Variants in MATN2 observed in about 807,000 individuals in gnomAD.
MATN2 encodes the protein matrilin 2.
In MATN2, 69 loss-of-function variants were observed where a neutral mutation model predicts 103.2. The observed-to-expected ratio is 0.67, with a 90% CI of 0.55 to 0.82. The LOEUF (loss-of-function observed/expected upper bound fraction) is 0.82, where lower values mean the gene tolerates loss of function less well. MATN2 is among the 40% of genes least tolerant of loss of function. The pLI is 0.00. For synonymous variants in MATN2, 429 were observed against 450.2 expected (o/e 0.95, Z 0.60); for missense variants, 1,023 against 1,211.5 (o/e 0.84, Z 2.31).
chr8:97,981,618 A>G (rs1438759691), intron 6 of MATN2, among the ~76,000 whole-genome samples: 1 of 152,218 alleles, frequency 6.6e-6, no homozygotes, highest in Non-Finnish European at 1.5e-5. Context: ...AGTTAGAGGA[A>G]GGAGACCAGT....
chr8:97,904,019 T>C (rs903032492), intron 2 of MATN2, among the ~76,000 whole-genome samples: 1 of 152,236 alleles, frequency 6.6e-6, no homozygotes, highest in African/African-American at 2.4e-5. Flanking sequence ...TACTTTTTAA[T>C]ACCTTACTAG....
rs2130384113 is a variant in MATN2, at chr8:98,005,365, C to CTG, written c.1327+1588_1327+1589dup. 6.6e-6 allele frequency among the ~76,000 whole-genome samples: 1 copy of CTG among 152,268 alleles called. No individual in the cohort carries two copies. The highest frequency in any genetic ancestry group is 1.5e-5 in the Non-Finnish European group (1 of 68,004). ...AGGAGATGCCCTGGTGACCATGGAT[C>CTG]TGTGTGTATCCTGCCTGTTTCCCGG... On this transcript the variant is annotated intron_variant, in intron 8 of 18. Transcript: ENST00000254898. The surrounding 1 kb of genome is among the most constrained non-coding windows in gnomAD (Gnocchi z 4.6).
intron 4 of MATN2, among the ~76,000 whole-genome samples, chr8:97,955,642 A>G (rs1470957): frequency 0.53 from 80,312 of 152,072 alleles, 21,689 homozygotes; most frequent in East Asian, 0.78. Context: ...ACTAAGCACC[A>G]ACTGTGTGAA....
At chr8:97,914,827 A>G (rs531926585) in intron 2 of MATN2, among the ~76,000 whole-genome samples, 90 of 152,154 alleles carry the variant, frequency 5.9e-4, no homozygotes, top group African/African-American at 2.0e-3. Flanking sequence ...TTTTACCTAA[A>G]TGCACACCCC....
intron 18 of MATN2, chr8:98,034,206 G>GAAAC (rs1563740217): frequency 2.2e-6 from 1 of 455,048 alleles, no homozygotes; most frequent in East Asian, 7.0e-5. Context: ...TCTAAAAAAT[G>GAAAC]AAACACTCCA....
intron 13 of MATN2, chr8:98,025,732 C>G (rs1813771766): frequency 2.3e-6 from 1 of 439,704 alleles, no homozygotes; most frequent in Non-Finnish European, 4.5e-6. Context: ...GGCGACACAG[C>G]AAGACTCTGT....
intron 2 of MATN2, among the ~76,000 whole-genome samples, chr8:97,899,885 C>T (rs897661138): frequency 1.3e-5 from 2 of 152,144 alleles, no homozygotes; most frequent in Admixed American, 1.3e-4. Context: ...CTTTATGTTC[C>T]CACTTCAGGG....
At chr8:97,933,148 C>T (rs756514699) in intron 3 of MATN2, among the ~76,000 whole-genome samples, 1 of 152,128 alleles carries the variant, frequency 6.6e-6, no homozygotes, top group Non-Finnish European at 1.5e-5. Context: ...GAAATCAATG[C>T]CATGAAGAAA....
In MATN2 at chr8:97,936,151, A is replaced by G. The variant is rs1048722654; in HGVS notation, c.712+4629A>G. Among the ~76,000 whole-genome samples, 27 of 152,156 alleles carry G rather than the reference A, an allele frequency of 1.8e-4. 2 individuals carry two copies. Among genetic ancestry groups the G allele is most frequent in the Admixed American group, 1.6e-3 (25 of 15,270 alleles). ...TGAGGTCCTGTCTACAAGATGACCA[A>G]ACCCCACACATCCTGGAGTCTGCCA... On this transcript the variant is annotated intron_variant, in intron 3 of 18. Transcript: ENST00000254898.
At chr8:97,892,066 G>A (rs1339345882) in intron 2 of MATN2, among the ~76,000 whole-genome samples, 1 of 151,964 alleles carries the variant, frequency 6.6e-6, no homozygotes, top group Non-Finnish European at 1.5e-5. Flanking sequence ...GTGAAAAACT[G>A]TCTCTACTAA....
At chr8:98,012,286 A>C (rs1203948440) in intron 10 of MATN2, among the ~76,000 whole-genome samples, 1 of 151,980 alleles carries the variant, frequency 6.6e-6, no homozygotes, top group Non-Finnish European at 1.5e-5. Flanking sequence ...CTTCTCGGGG[A>C]AGAAGGATAG....
At chr8:97,959,227 G>A (rs1478302707) in intron 4 of MATN2, among the ~76,000 whole-genome samples, 2 of 152,114 alleles carry the variant, frequency 1.3e-5, no homozygotes, top group Non-Finnish European at 2.9e-5. Flanking sequence ...TCTTTTGGCC[G>A]AAAATACTCT....
intron 12 of MATN2, among the ~76,000 whole-genome samples, chr8:98,019,023 TATATAA>T (rs950475835): frequency 2.0e-5 from 3 of 149,530 alleles, no homozygotes; most frequent in Admixed American, 6.7e-5. Context: ...TCTTCTATTA[TATATAA>T]ATATAATAGA....
At chr8:97,921,211 G>A (rs983941931) in intron 2 of MATN2, among the ~76,000 whole-genome samples, 2 of 152,168 alleles carry the variant, frequency 1.3e-5, no homozygotes, top group African/African-American at 4.8e-5. Flanking sequence ...AATGCCTCCA[G>A]AATTTGCAAA....
intron 15 of MATN2, chr8:98,031,965 C>CT: frequency 2.4e-4 from 57 of 238,804 alleles, no homozygotes; most frequent in Admixed American, 3.9e-4. Context: ...ACAACTTCAC[C>CT]TTTTTTTTCT....
intron 4 of MATN2, among the ~76,000 whole-genome samples, chr8:97,943,088 G>C (rs972113518): frequency 6.6e-6 from 1 of 151,988 alleles, no homozygotes; most frequent in South Asian, 2.1e-4. Context: ...AAGATCTGAC[G>C]CTTCCTCAAA....
intron 1 of MATN2, among the ~76,000 whole-genome samples, chr8:97,872,941 G>A (rs571881926): frequency 2.0e-5 from 3 of 152,098 alleles, no homozygotes; most frequent in African/African-American, 7.2e-5. Flanking sequence ...TTACAGCCAT[G>A]AGCTACCACA....
intron 3 of MATN2, among the ~76,000 whole-genome samples, chr8:97,932,098 C>A (rs1810218331): frequency 6.6e-6 from 1 of 152,074 alleles, no homozygotes; most frequent in Admixed American, 6.5e-5. Flanking sequence ...AACCCCAGGA[C>A]CTTATCTAGG....
At chr8:98,035,441 TAA>T (rs1350658587) in intron 18 of MATN2, among the ~76,000 whole-genome samples, 1 of 143,056 alleles carries the variant, frequency 7.0e-6, no homozygotes, top group African/African-American at 2.5e-5. Context: ...TTGCTGATGT[TAA>T]AAAAAAAAAA....
Sources: gnomAD v4.1 joint callset for allele counts (sites outside exome capture counted in the v4.1 genomes callset) on GRCh38, gnomAD v4.1.1 for gene constraint, Gnocchi (gnomAD v3.1) non-coding constraint, MANE v1.5 for transcripts, NCBI Gene and HGNC (gene_info 2026-07-23, HGNC 2026-07-21) for gene names.